The following SEMA5A variants were observed in gnomAD, a reference collection of about 807,000 sequenced individuals.
SEMA5A encodes the protein semaphorin-5A.
A neutral mutation model predicts 135.5 loss-of-function variants in SEMA5A; 55 were observed. The observed-to-expected ratio is 0.41, with a 90% CI of 0.33 to 0.51. SEMA5A has a LOEUF of 0.51. SEMA5A is among the 20% of genes least tolerant of loss of function. The probability of loss-of-function intolerance (pLI) is 0.37; values close to 1 mark genes in which losing one functional copy is unlikely to be tolerated. For missense variants in SEMA5A, 1,290 were observed against 1,419.9 expected (o/e 0.91, Z 1.47); for synonymous variants, 580 against 546.5 (o/e 1.06, Z -0.85).
intron 13 of SEMA5A, among the ~76,000 whole-genome samples, chr5:9,132,408 C>A (rs575028680): frequency 6.6e-6 from 1 of 152,088 alleles, no homozygotes. Flanking sequence ...GATTTGGTAC[C>A]CTTATAAAGA....
At chr5:9,485,502 G>A (rs527535273) in intron 1 of SEMA5A, among the ~76,000 whole-genome samples, 1 of 152,284 alleles carries the variant, frequency 6.6e-6, no homozygotes, top group South Asian at 2.1e-4. Flanking sequence ...CGAAACAGAA[G>A]CTATAGAGAT....
At chr5:9,368,521 C>G (rs1181730295) in intron 3 of SEMA5A, among the ~76,000 whole-genome samples, 1 of 152,142 alleles carries the variant, frequency 6.6e-6, no homozygotes, top group Non-Finnish European at 1.5e-5. Context: ...ATATTTGCAG[C>G]AACTCAAAAA....
At position 9,108,146 on chromosome 5, in the gene SEMA5A, G is replaced by A. The variant is rs1228294894; in HGVS notation, c.2067C>T (p.Cys689=). Residue 689 remains cysteine, a synonymous_variant, in exon 16 of 23, where the codon TGC becomes TGT. Transcript: ENST00000382496. ...TGAGAAGAAGGCTACTCACCACATTGCAGCCTGCACAGTCAGGCCCATTCT... is the reference window on the plus strand; with the variant it reads ...TGAGAAGAAGGCTACTCACCACATTACAGCCTGCACAGTCAGGCCCATTCT... The part of the protein sequence containing the change: ...ICENGPDCAG[C]NVEYQSCNTN... 1.2e-6 allele frequency: 2 copies of A among 1,613,864 alleles called. No individual in the cohort carries two copies. Among genetic ancestry groups the A allele is most frequent in the Non-Finnish European group, 1.7e-6 (2 of 1,179,876 alleles).
chr5:9,225,483 CG>C (rs1383720175), intron 7 of SEMA5A, among the ~76,000 whole-genome samples: 1 of 147,728 alleles, frequency 6.8e-6, no homozygotes, highest in Non-Finnish European at 1.5e-5. Flanking sequence ...GCAGGAGAAT[CG>C]CTTGAACCCA....
rs115092654 is a variant in SEMA5A at position 9,299,284 on chromosome 5, A to G, written c.270+19088T>C. Among the ~76,000 whole-genome samples, 857 of 152,258 alleles carry G rather than the reference A, an allele frequency of 5.6e-3. 7 individuals are homozygous for G. The highest frequency in any genetic ancestry group is 0.019 in the African/African-American group (798 of 41,538). ...AGGTGAAGAAGGAGCCTGGCATTAG[A>G]GGGGAGACTATTAAAATAATACCTG... is the stretch of plus-strand genomic sequence containing the variant. On this transcript the variant is annotated intron_variant, in intron 5 of 22. Coordinates refer to ENST00000382496, the MANE Select transcript of SEMA5A (RefSeq NM_003966.3).
chr5:9,477,381 T>C (rs564801698), intron 1 of SEMA5A, among the ~76,000 whole-genome samples: 6 of 152,284 alleles, frequency 3.9e-5, no homozygotes, highest in Admixed American at 1.3e-4. Context: ...AACTGCGTAA[T>C]GGGCAGAGGT....
At chr5:9,132,159 A>C (rs1187305066) in intron 13 of SEMA5A, among the ~76,000 whole-genome samples, 1 of 152,200 alleles carries the variant, frequency 6.6e-6, no homozygotes, top group Non-Finnish European at 1.5e-5. Context: ...AGAAACCCAT[A>C]AACATTTTTA....
At chr5:9,519,481 G>A (rs1736697872) in intron 1 of SEMA5A, among the ~76,000 whole-genome samples, 2 of 152,194 alleles carry the variant, frequency 1.3e-5, no homozygotes, top group Admixed American at 1.3e-4. Flanking sequence ...TGAACTAGCT[G>A]CTGTGTCCAA....
chr5:9,332,226 G>T (rs571641444), intron 4 of SEMA5A, among the ~76,000 whole-genome samples: 1 of 151,434 alleles, frequency 6.6e-6, no homozygotes, highest in African/African-American at 2.4e-5. Context: ...CTCACATTGC[G>T]TCAGGTGTGT....
rs376153303 is a variant in SEMA5A at position 9,493,260 on chromosome 5, C to T, written c.-175+52324G>A. On this transcript the variant is annotated intron_variant, in intron 1 of 22. Transcript: ENST00000382496. ...GTTCATAAATATATAAATATATATA[C>T]CTGTAAATATGTATGTAGCAGCATC... Among the ~76,000 whole-genome samples the T allele has an allele frequency of 3.3e-3, 489 of 149,116 alleles. 2 individuals carry two copies. The South Asian group carries it at 0.044, about 13-fold the overall frequency.
At chr5:9,482,072 C>T (rs1370007948) in intron 1 of SEMA5A, among the ~76,000 whole-genome samples, 1 of 152,182 alleles carries the variant, frequency 6.6e-6, no homozygotes, top group Admixed American at 6.5e-5. Flanking sequence ...TTACTTTTGT[C>T]AACCCAAACA....
chr5:9,285,002 T>C (rs977328883), intron 5 of SEMA5A, among the ~76,000 whole-genome samples: 1 of 152,068 alleles, frequency 6.6e-6, no homozygotes. Context: ...AGCAAGAAAA[T>C]TCTCACATCC....
intron 6 of SEMA5A, among the ~76,000 whole-genome samples, chr5:9,235,109 C>T (rs906072598): frequency 6.6e-6 from 1 of 152,078 alleles, no homozygotes; most frequent in Non-Finnish European, 1.5e-5. Context: ...TTATGGACTT[C>T]CAGACTATGA....
chr5:9,083,620 A>G (rs1160434372), intron 16 of SEMA5A, among the ~76,000 whole-genome samples: 2 of 149,820 alleles, frequency 1.3e-5, no homozygotes, highest in East Asian at 3.9e-4. Context: ...CCATCCATCC[A>G]TCCATCCATC....
At chr5:9,421,065 T>A (rs766951211) in intron 2 of SEMA5A, among the ~76,000 whole-genome samples, 1 of 152,174 alleles carries the variant, frequency 6.6e-6, no homozygotes, top group Non-Finnish European at 1.5e-5. Context: ...AAAATCTTCA[T>A]ACTTTTGCAA....
chr5:9,356,895 C>T (rs1024487), intron 3 of SEMA5A, among the ~76,000 whole-genome samples: 23,709 of 152,212 alleles, frequency 0.16, 2,070 homozygotes, highest in Middle Eastern at 0.25. Flanking sequence ...TCCACTGAAA[C>T]GCTCATGCAC....
rs114106671 is a variant in SEMA5A at position 9,375,300 on chromosome 5, G to A, written c.124+4523C>T. On this transcript the variant is annotated intron_variant, in intron 3 of 22. Transcript: ENST00000382496. Reference sequence around the variant, plus strand: ...CCTTTGCAGACAAATTGTTTAAGATGAGGTCGTACTGGATTAAGGTTAGCC... The same window carrying A: ...CCTTTGCAGACAAATTGTTTAAGATAAGGTCGTACTGGATTAAGGTTAGCC... Among the ~76,000 whole-genome samples the A allele has an allele frequency of 4.3e-3, 662 of 152,194 alleles. 5 individuals are homozygous for A. The highest frequency in any genetic ancestry group is 0.015 in the African/African-American group (619 of 41,520).
chr5:9,525,671 C>T (rs895864174), intron 1 of SEMA5A, among the ~76,000 whole-genome samples: 19 of 152,156 alleles, frequency 1.2e-4, no homozygotes, highest in Admixed American at 1.1e-3. Flanking sequence ...TCAAAATGCC[C>T]CCATTTGGTT....
In SEMA5A at chr5:9,044,442, G is replaced by C. The variant is rs1415757310; in HGVS notation, c.3036C>G (p.Ala1012=). The C allele has an allele frequency of 1.9e-6, 3 of 1,613,828 alleles. No individual in the cohort carries two copies. The highest frequency in any genetic ancestry group is 2.2e-5 in the East Asian group (1 of 44,882). The change falls in exon 22 of 23, where the codon GCC becomes GCG. Residue 1012 remains alanine (A), a synonymous_variant. Coordinates refer to ENST00000382496, the MANE Select transcript of SEMA5A (RefSeq NM_003966.3). ...GGTTGGTTATGCTGGTATTAAGGGG[G>C]GCAGGTGAGACGGGGTGGATGACAG... ...DATVIHPVSP[A]PLNTSITNHI... is the part of the protein sequence containing the mutation.
Sources: allele counts gnomAD v4.1 joint callset (sites outside exome capture counted in the v4.1 genomes callset), GRCh38; gene constraint gnomAD v4.1.1; transcripts MANE v1.5; gene names NCBI Gene and HGNC (gene_info 2026-07-23, HGNC 2026-07-21).